The following NKAIN3 variants were observed in gnomAD, a reference collection of about 807,000 sequenced individuals.
NKAIN3 encodes sodium/potassium-transporting ATPase subunit beta-1-interacting protein 3.
In NKAIN3, 25 loss-of-function variants were observed where a neutral mutation model predicts 30.2. That is an observed-to-expected ratio of 0.83 (90% CI 0.60 to 1.16). NKAIN3 has a LOEUF of 1.16. NKAIN3 is among the 50% of genes most tolerant of loss of function. The pLI, the probability that NKAIN3 is intolerant of heterozygous loss-of-function variation, is 0.00. For missense variants in NKAIN3, 225 were observed against 254.1 expected, an observed-to-expected ratio of 0.89 and a Z score of 0.78; for synonymous variants, 91 against 89.6, an observed-to-expected ratio of 1.02 and a Z score of -0.09.
chr8:62,421,392 G>C (rs1448848961), intron 1 of NKAIN3, among the ~76,000 whole-genome samples: 2 of 152,114 alleles, frequency 1.3e-5, no homozygotes, highest in East Asian at 3.9e-4. Context: ...GAGAACACCT[G>C]TCTTAACTGT....
intron 1 of NKAIN3, among the ~76,000 whole-genome samples, chr8:62,522,180 G>T (rs1000631518): frequency 6.6e-6 from 1 of 152,048 alleles, no homozygotes; most frequent in Admixed American, 6.6e-5. Context: ...TTGGTCAACG[G>T]CAGGCCACAT....
At chr8:62,265,290 A>G (rs1812569309) in intron 1 of NKAIN3, among the ~76,000 whole-genome samples, 1 of 152,214 alleles carries the variant, frequency 6.6e-6, no homozygotes, top group African/African-American at 2.4e-5. Flanking sequence ...CTCTTCTACA[A>G]ACTGCCAGGC....
chr8:62,917,944 T>C (rs764545762), intron 4 of NKAIN3, among the ~76,000 whole-genome samples: 14 of 152,254 alleles, frequency 9.2e-5, no homozygotes, highest in Non-Finnish European at 2.1e-4. Flanking sequence ...ACGTGTTTTC[T>C]TGTGGTTTGA....
rs1467156822 is a variant in NKAIN3 at position 62,976,251 on chromosome 8, A to G, written c.*10844A>G. On this transcript the variant is annotated 3_prime_UTR_variant, in exon 7 of 7. Transcript: ENST00000623646. ...TCCTGAATATCCTTGTTAATTTTCTATCTCGGTGATCTGTCTAATACACAC... is the reference window on the plus strand; with the variant it reads ...TCCTGAATATCCTTGTTAATTTTCTGTCTCGGTGATCTGTCTAATACACAC... Among the ~76,000 whole-genome samples, 2 of 150,998 alleles carry G rather than the reference A, an allele frequency of 1.3e-5. No individual in the cohort carries two copies. The highest frequency in any genetic ancestry group is 2.4e-5 in the African/African-American group (1 of 41,072).
At chr8:62,746,835 G>C in intron 3 of NKAIN3, 97 bp from the exon 4 acceptor site, 2 of 788,766 alleles carry the variant, frequency 2.5e-6, no homozygotes, top group Non-Finnish European at 4.1e-6. Flanking sequence ...AATCACTGTA[G>C]CAATTTCATC....
At chr8:62,632,647 C>T (rs780367076) in intron 3 of NKAIN3, among the ~76,000 whole-genome samples, 5 of 152,010 alleles carry the variant, frequency 3.3e-5, no homozygotes, top group Admixed American at 2.6e-4. Flanking sequence ...GGATTACAGC[C>T]GTGTGCCACC....
chr8:62,879,034 G>A (rs2130810989), intron 4 of NKAIN3, among the ~76,000 whole-genome samples: 1 of 152,226 alleles, frequency 6.6e-6, no homozygotes, highest in South Asian at 2.1e-4. Flanking sequence ...CCCAGTAATG[G>A]GATGGCTGAG....
rs1159853886 is a variant in NKAIN3, at chr8:62,783,604, A to C, written c.471+36475A>C. Among the ~76,000 whole-genome samples the C allele has an allele frequency of 2.2e-4, 16 of 73,666 alleles. No homozygotes were observed. In the Admixed American group the frequency reaches 2.2e-3, roughly 10 times the overall value. The allele number at this position is 73,666 out of a possible 152,430, so 48.3% of individuals were successfully genotyped here. A position where few individuals can be genotyped will look rare whatever the true frequency, so the allele number is the denominator to read the frequency against. On this transcript the variant is annotated intron_variant, in intron 4 of 6. Coordinates refer to ENST00000623646, the MANE Select transcript of NKAIN3 (RefSeq NM_001304533.3). ...CTTAACAGCAGAAACAGCAGAATACACTTTTTTTTTTTTTTTTTTTTGAGA... is the reference window on the plus strand; with the variant it reads ...CTTAACAGCAGAAACAGCAGAATACCCTTTTTTTTTTTTTTTTTTTTGAGA...
chr8:62,723,244 C>A (rs1051430335), intron 3 of NKAIN3, among the ~76,000 whole-genome samples: 3 of 152,010 alleles, frequency 2.0e-5, no homozygotes, highest in Non-Finnish European at 4.4e-5. Context: ...AAAAAGAAAT[C>A]TTTTTCTACC....
chr8:62,602,930 T>TC (rs1418046160), intron 3 of NKAIN3, among the ~76,000 whole-genome samples: 9 of 152,116 alleles, frequency 5.9e-5, no homozygotes, highest in Non-Finnish European at 1.2e-4. Flanking sequence ...CTGAGTAGAC[T>TC]CCAACTGCTG....
chr8:62,353,484 A>T (rs1816246049), intron 1 of NKAIN3, among the ~76,000 whole-genome samples: 1 of 152,184 alleles, frequency 6.6e-6, no homozygotes, highest in Non-Finnish European at 1.5e-5. Context: ...TCATCTATTC[A>T]TTCATTAAGC....
At chr8:62,657,095 G>GC in intron 3 of NKAIN3, among the ~76,000 whole-genome samples, 1 of 152,222 alleles carries the variant, frequency 6.6e-6, no homozygotes, top group African/African-American at 2.4e-5. Flanking sequence ...GCTAGAAACA[G>GC]TATTTAAACA....
At chr8:62,554,722 T>C (rs762114926) in intron 1 of NKAIN3, among the ~76,000 whole-genome samples, 2 of 151,902 alleles carry the variant, frequency 1.3e-5, no homozygotes, top group Non-Finnish European at 2.9e-5. Flanking sequence ...TCAAAATAAA[T>C]CACAAAATTT....
At chr8:62,836,977 G>A (rs115227138) in intron 4 of NKAIN3, among the ~76,000 whole-genome samples, 1,533 of 152,170 alleles carry the variant, frequency 0.01, 14 homozygotes, top group South Asian at 0.056. Context: ...ATTATTAAAG[G>A]GAGTAAATGC....
intron 1 of NKAIN3, among the ~76,000 whole-genome samples, chr8:62,578,005 C>T (rs558260476): frequency 1.7e-4 from 26 of 152,158 alleles, no homozygotes; most frequent in African/African-American, 5.5e-4. Flanking sequence ...ATACACCTGC[C>T]ACATAACTAG....
intron 4 of NKAIN3, among the ~76,000 whole-genome samples, chr8:62,750,033 A>G (rs1272079840): frequency 6.6e-6 from 1 of 151,940 alleles, no homozygotes; most frequent in African/African-American, 2.4e-5. Flanking sequence ...TTGTTGCCCA[A>G]TATGTGCTGA....
At chr8:62,642,001 T>G (rs1392184688) in intron 3 of NKAIN3, among the ~76,000 whole-genome samples, 1 of 152,100 alleles carries the variant, frequency 6.6e-6, no homozygotes, top group African/African-American at 2.4e-5. Context: ...AATGCTGGGA[T>G]GCAACCTGCC....
At chr8:62,489,239 A>T (rs1483910021) in intron 1 of NKAIN3, among the ~76,000 whole-genome samples, 3 of 149,292 alleles carry the variant, frequency 2.0e-5, no homozygotes, top group Non-Finnish European at 4.4e-5. Flanking sequence ...GTTAGCCAGG[A>T]TGGTCTCGAT....
intron 1 of NKAIN3, chr8:62,473,280 A>G (rs1251133261): frequency 1.3e-5 from 2 of 152,212 alleles, no homozygotes; most frequent in Non-Finnish European, 2.9e-5. Context: ...AACATGGTTA[A>G]AAGTCTATTG....
Sources: allele counts gnomAD v4.1 joint callset (sites outside exome capture counted in the v4.1 genomes callset), GRCh38; gene constraint gnomAD v4.1.1; transcripts MANE v1.5; gene names NCBI Gene and HGNC (gene_info 2026-07-23, HGNC 2026-07-21).